RSPO2: variants seen among roughly 807,000 people sequenced by gnomAD.
RSPO2 encodes R-spondin 2.
RSPO2 carries 14 observed loss-of-function variants against 30.9 expected under a neutral mutation model. The observed-to-expected ratio is 0.45, with a 90% CI of 0.30 to 0.71. The LOEUF is 0.71. RSPO2 is among the 30% of genes least tolerant of loss of function. The pLI is 0.08. For missense variants in RSPO2, 264 were observed against 301.9 expected, an observed-to-expected ratio of 0.87 and a Z score of 0.93; for synonymous variants, 107 against 96.4, an observed-to-expected ratio of 1.11 and a Z score of -0.64.
intron 5 of RSPO2, among the ~76,000 whole-genome samples, chr8:107,937,229 G>A (rs183710708): frequency 6.7e-6 from 1 of 149,296 alleles, no homozygotes; most frequent in East Asian, 2.0e-4. Flanking sequence ...AATTTTCCCA[G>A]CACCATTTAT....
At chr8:108,063,735 A>G (rs1812557243) in intron 2 of RSPO2, among the ~76,000 whole-genome samples, 2 of 152,124 alleles carry the variant, frequency 1.3e-5, no homozygotes, top group South Asian at 4.1e-4. Flanking sequence ...ATCCTAAGCC[A>G]AAAGAACAAA....
At chr8:108,044,896 C>G (rs115956707) in intron 2 of RSPO2, among the ~76,000 whole-genome samples, 1 of 152,112 alleles carries the variant, frequency 6.6e-6, no homozygotes, top group African/African-American at 2.4e-5. Context: ...TGAAACTGGA[C>G]CCCCTACCTT....
At chr8:108,026,431 T>C (rs994901483) in intron 2 of RSPO2, among the ~76,000 whole-genome samples, 1 of 152,194 alleles carries the variant, frequency 6.6e-6, no homozygotes, top group Non-Finnish European at 1.5e-5. Context: ...AGTTTCCTTA[T>C]TTTAATAAAT....
intron 5 of RSPO2, among the ~76,000 whole-genome samples, chr8:107,923,165 T>C (rs145776645): frequency 5.9e-5 from 9 of 152,220 alleles, no homozygotes; most frequent in African/African-American, 1.9e-4. Context: ...GCAGAAAATA[T>C]TTGCAAGCAT....
At chr8:107,907,719 T>A (rs1811696178) in intron 5 of RSPO2, among the ~76,000 whole-genome samples, 1 of 152,144 alleles carries the variant, frequency 6.6e-6, no homozygotes, top group African/African-American at 2.4e-5. Context: ...TTCAGACTAC[T>A]TACTACCTGC....
chr8:108,040,593 C>T (rs560045823), intron 2 of RSPO2, among the ~76,000 whole-genome samples: 1 of 152,190 alleles, frequency 6.6e-6, no homozygotes, highest in Non-Finnish European at 1.5e-5. Flanking sequence ...GAACTATCTT[C>T]CAGGCACTGA....
chr8:107,995,644 A>T (rs927035950), intron 2 of RSPO2, among the ~76,000 whole-genome samples: 76 of 152,216 alleles, frequency 5.0e-4, no homozygotes, highest in African/African-American at 1.6e-3. Context: ...TCTCATTCTC[A>T]ATTTCTGATC....
chr8:108,049,247 T>TA lies in RSPO2; in HGVS notation c.94+33297dup, dbSNP rs546875383. ...ATGTACCCTAGAACTTAAAGTATAA[T>TA]AAAAGAATAAAATAAATAAAATAAC... On this transcript the variant is annotated intron_variant, in intron 2 of 5. Transcript: ENST00000276659. 5.9e-5 allele frequency among the ~76,000 whole-genome samples: 9 copies of TA among 152,036 alleles called. No individual in the cohort carries two copies. In the South Asian group the frequency reaches 1.9e-3, roughly 32 times the overall value.
intron 2 of RSPO2, among the ~76,000 whole-genome samples, chr8:108,076,686 G>T (rs1375728735): frequency 5.9e-5 from 9 of 152,116 alleles, no homozygotes. Flanking sequence ...TGTCAGGTTT[G>T]AGTATGCATG....
intron 5 of RSPO2, among the ~76,000 whole-genome samples, chr8:107,925,456 C>T (rs555845129): frequency 3.3e-5 from 5 of 151,584 alleles, no homozygotes; most frequent in Non-Finnish European, 7.4e-5. Flanking sequence ...GCACAACGTG[C>T]AGGTTTGTTA....
chr8:107,913,480 G>C (rs1052619081), intron 5 of RSPO2, among the ~76,000 whole-genome samples: 7 of 152,100 alleles, frequency 4.6e-5, no homozygotes, highest in Non-Finnish European at 1.0e-4. Flanking sequence ...CTATCCACAA[G>C]ACCAGACAAA....
intron 2 of RSPO2, among the ~76,000 whole-genome samples, chr8:108,039,758 T>G (rs1394392277): frequency 6.6e-6 from 1 of 152,140 alleles, no homozygotes; most frequent in Non-Finnish European, 1.5e-5. Flanking sequence ...TGCTTTGTTA[T>G]AGACCAGATG....
At position 107,900,901 on chromosome 8, in the gene RSPO2, C is replaced by T; in HGVS notation, c.*174G>A. The T allele has an allele frequency of 1.6e-6, 1 of 642,020 alleles. No individual in the cohort carries two copies. The highest frequency in any genetic ancestry group is 2.5e-5 in the South Asian group (1 of 39,840). The allele number at this position is 642,020 out of a possible 1,614,324, so 39.8% of individuals were successfully genotyped here. A position where few individuals can be genotyped will look rare whatever the true frequency, so the allele number is the denominator to read the frequency against. ...GCCTTCACAGTCTCCAGATTCAAAT[C>T]AAAGCATAAATAACACAGGGGCCAT... On this transcript the variant is annotated 3_prime_UTR_variant, in exon 6 of 6. Coordinates refer to ENST00000276659, the MANE Select transcript of RSPO2 (RefSeq NM_178565.5).
intron 3 of RSPO2, among the ~76,000 whole-genome samples, chr8:107,965,539 G>A (rs916995068): frequency 3.9e-5 from 6 of 152,048 alleles, no homozygotes; most frequent in Non-Finnish European, 5.9e-5. Flanking sequence ...AGGGGTCCAC[G>A]TGGCACTAAC....
chr8:107,915,643 C>A (rs908863455), intron 5 of RSPO2, among the ~76,000 whole-genome samples: 34 of 152,102 alleles, frequency 2.2e-4, no homozygotes, highest in Middle Eastern at 3.4e-3. Context: ...GAAGGAACTG[C>A]TGAAAGTCCA....
intron 3 of RSPO2, among the ~76,000 whole-genome samples, chr8:107,965,394 G>A (rs754845149): frequency 1.1e-4 from 17 of 152,202 alleles, no homozygotes; most frequent in Admixed American, 3.3e-4. Flanking sequence ...TACCCCGTAC[G>A]GGCTCTAATA....
At chr8:107,983,496 G>A (rs1814520502) in intron 3 of RSPO2, 1 of 1,598,478 alleles carries the variant, frequency 6.3e-7, no homozygotes, top group African/African-American at 1.3e-5. Context: ...AGAAATGTCT[G>A]CCTGAGATTC....
At chr8:107,962,003 G>A (rs1448216812) in intron 3 of RSPO2, among the ~76,000 whole-genome samples, 10 of 152,108 alleles carry the variant, frequency 6.6e-5, no homozygotes, top group South Asian at 2.1e-4. Context: ...TCGCAGGACC[G>A]GTAAATTCCA....
At chr8:107,971,285 C>T (rs1813991542) in intron 3 of RSPO2, among the ~76,000 whole-genome samples, 1 of 152,084 alleles carries the variant, frequency 6.6e-6, no homozygotes, top group African/African-American at 2.4e-5. Flanking sequence ...AAAGTCACGA[C>T]TTTTATTTTC....
Sources: allele counts gnomAD v4.1 joint callset (sites outside exome capture counted in the v4.1 genomes callset), GRCh38; gene constraint gnomAD v4.1.1; transcripts MANE v1.5; gene names NCBI Gene and HGNC (gene_info 2026-07-23, HGNC 2026-07-21).